The following FGGY variants were observed in gnomAD, a reference collection of about 807,000 sequenced individuals.
FGGY encodes the protein FGGY carbohydrate kinase domain-containing protein.
Under a neutral mutation model 71.3 loss-of-function variants are expected in FGGY, and 72 were observed. That is an observed-to-expected ratio of 1.01 (90% CI 0.84 to 1.23). FGGY has a LOEUF of 1.23. Among genes scored for constraint, FGGY ranks in the 50% most tolerant of loss-of-function variants. The pLI is 0.00. For missense variants in FGGY, 668 were observed against 682.3 expected, an observed-to-expected ratio of 0.98 and a Z score of 0.23; for synonymous variants, 251 against 250.3, an observed-to-expected ratio of 1.00 and a Z score of -0.02.
At chr1:59,731,246 G>A (rs2098024308) in intron 14 of FGGY, among the ~76,000 whole-genome samples, 1 of 152,204 alleles carries the variant, frequency 6.6e-6, no homozygotes, top group Non-Finnish European at 1.5e-5. Flanking sequence ...AAACCACTGA[G>A]GGGAGTTTTG....
intron 13 of FGGY, among the ~76,000 whole-genome samples, chr1:59,668,360 AG>A (rs1395671195): frequency 2.6e-5 from 4 of 152,160 alleles, no homozygotes; most frequent in African/African-American, 9.7e-5. Context: ...GGGCAGGGCA[AG>A]GGGAGGGAAA....
intron 7 of FGGY, among the ~76,000 whole-genome samples, chr1:59,541,061 T>C (rs1042453521): frequency 9.2e-5 from 14 of 151,904 alleles, no homozygotes; most frequent in East Asian, 1.9e-4. Flanking sequence ...ATTTGTCTGT[T>C]TGTTTGTTTG....
intron 12 of FGGY, among the ~76,000 whole-genome samples, chr1:59,663,395 A>G (rs1572847644): frequency 6.6e-6 from 1 of 152,216 alleles, no homozygotes; most frequent in African/African-American, 2.4e-5. Context: ...CTTAATATAT[A>G]TTAGAAAATA....
intron 4 of FGGY, among the ~76,000 whole-genome samples, chr1:59,355,562 CT>C (rs1265634238): frequency 7.1e-6 from 1 of 140,464 alleles, no homozygotes; most frequent in East Asian, 2.0e-4. Context: ...TTTTTTTTTT[CT>C]TTTTGGGCTT....
chr1:59,447,383 G>A (rs1470135503), intron 5 of FGGY, among the ~76,000 whole-genome samples: 1 of 152,110 alleles, frequency 6.6e-6, no homozygotes, highest in Non-Finnish European at 1.5e-5. Flanking sequence ...CCAAAGCTCT[G>A]GGAGCTGAGT....
At chr1:59,660,572 G>A in intron 12 of FGGY, 1 of 292,914 alleles carries the variant, frequency 3.4e-6, no homozygotes, top group Non-Finnish European at 6.3e-6. Context: ...TAATTAAATA[G>A]AAGCAAGCAA....
chr1:59,523,906 G>A (rs2094903931), intron 7 of FGGY, among the ~76,000 whole-genome samples: 1 of 152,236 alleles, frequency 6.6e-6, no homozygotes, highest in South Asian at 2.1e-4. Flanking sequence ...GGCTGCAGTA[G>A]AGGAATGCAC....
intron 8 of FGGY, among the ~76,000 whole-genome samples, chr1:59,590,620 A>G (rs1160834926): frequency 3.3e-5 from 5 of 152,314 alleles, no homozygotes; most frequent in Admixed American, 6.5e-5. Context: ...CCTGGGATGT[A>G]AGGCTGGTTC....
At chr1:59,637,336 A>G (rs566162563) in intron 10 of FGGY, among the ~76,000 whole-genome samples, 24 of 152,238 alleles carry the variant, frequency 1.6e-4, no homozygotes, top group African/African-American at 5.8e-4. Flanking sequence ...ACTGAGACTT[A>G]AAAAGGAGAA....
chr1:59,460,474 G>A (rs183276249), intron 6 of FGGY, among the ~76,000 whole-genome samples: 353 of 152,302 alleles, frequency 2.3e-3, no homozygotes, highest in South Asian at 3.7e-3. Context: ...CTGGGGGCAC[G>A]GCGTAGCTGA....
chr1:59,579,187 C>G (rs1296918038), intron 8 of FGGY, among the ~76,000 whole-genome samples: 1 of 152,114 alleles, frequency 6.6e-6, no homozygotes, highest in South Asian at 2.1e-4. Flanking sequence ...TCTCAAAACC[C>G]CTCACTTGCA....
chr1:59,380,319 A>C (rs577323330), intron 5 of FGGY, among the ~76,000 whole-genome samples: 1 of 151,368 alleles, frequency 6.6e-6, no homozygotes, highest in Non-Finnish European at 1.5e-5. Context: ...CCAGTAATGG[A>C]ATGGCTGGGT....
At chr1:59,421,782 C>G (rs994907771) in intron 5 of FGGY, among the ~76,000 whole-genome samples, 3 of 151,714 alleles carry the variant, frequency 2.0e-5, no homozygotes, top group Non-Finnish European at 4.4e-5. Context: ...CTCTGAGTAG[C>G]CTTCTTGGGC....
chr1:59,717,467 A>C (rs1298853770), intron 14 of FGGY, among the ~76,000 whole-genome samples: 3 of 152,180 alleles, frequency 2.0e-5, no homozygotes, highest in African/African-American at 7.2e-5. Flanking sequence ...GAAAAGGATC[A>C]GTTCTTTCAA....
chr1:59,399,111 G>T (rs1220631513), intron 5 of FGGY, among the ~76,000 whole-genome samples: 1 of 152,152 alleles, frequency 6.6e-6, no homozygotes, highest in Non-Finnish European at 1.5e-5. Context: ...TGTATAGTGG[G>T]CATAATAGTT....
intron 5 of FGGY, among the ~76,000 whole-genome samples, chr1:59,420,399 G>A (rs2065205584): frequency 6.6e-6 from 1 of 152,190 alleles, no homozygotes; most frequent in Non-Finnish European, 1.5e-5. Context: ...AAGGAGTTGG[G>A]TATGTACTTC....
intron 5 of FGGY, among the ~76,000 whole-genome samples, chr1:59,449,504 C>T (rs1447742664): frequency 6.6e-6 from 1 of 152,054 alleles, no homozygotes; most frequent in Non-Finnish European, 1.5e-5. Flanking sequence ...AGGCTGGTCT[C>T]GAACTCCTGA....
intron 7 of FGGY, among the ~76,000 whole-genome samples, chr1:59,527,945 C>G (rs10889145): frequency 0.51 from 77,801 of 151,950 alleles, 21,613 homozygotes; most frequent in African/African-American, 0.73. Flanking sequence ...AAACTTGAGT[C>G]TGCATAGGCA....
chr1:59,573,574 C>T (rs1209689537), intron 8 of FGGY, among the ~76,000 whole-genome samples: 2 of 151,832 alleles, frequency 1.3e-5, no homozygotes, highest in Non-Finnish European at 2.9e-5. Context: ...TACAATAATT[C>T]TTTGTTCTAT....
Sources: allele counts gnomAD v4.1 joint callset (sites outside exome capture counted in the v4.1 genomes callset), GRCh38; gene constraint gnomAD v4.1.1; transcripts MANE v1.5; gene names NCBI Gene and HGNC (gene_info 2026-07-23, HGNC 2026-07-21).